Variants in MICU1 observed in about 807,000 individuals in gnomAD.
MICU1 encodes the protein mitochondrial calcium uptake 1.
Under a neutral mutation model 56.8 loss-of-function variants are expected in MICU1, and 45 were observed. The observed-to-expected ratio is 0.79, with a 90% CI of 0.62 to 1.02. The LOEUF (loss-of-function observed/expected upper bound fraction) is 1.02, where lower values mean the gene tolerates loss of function less well. Ranked by LOEUF, MICU1 falls within the 50% of genes least tolerant of loss-of-function variation. The pLI is 0.00. For missense variants in MICU1, 504 were observed against 587.1 expected (o/e 0.86, Z 1.46); for synonymous variants, 186 against 195.1 (o/e 0.95, Z 0.39).
intron 10 of MICU1, among the ~76,000 whole-genome samples, chr10:72,393,282 G>T (rs1291899840): frequency 6.6e-6 from 1 of 152,148 alleles, no homozygotes; most frequent in Non-Finnish European, 1.5e-5. Context: ...ATAAACCTGA[G>T]AAAATATCAG....
intron 5 of MICU1, among the ~76,000 whole-genome samples, chr10:72,516,893 G>T (rs935732283): frequency 2.6e-5 from 4 of 152,178 alleles, no homozygotes; most frequent in African/African-American, 9.6e-5. Context: ...TAGAGAGGGA[G>T]AGAAGTTACT....
rs1217658238 is a variant in MICU1, at chr10:72,525,154, T to TA, written c.537+8591dup. 2.2e-3 allele frequency among the ~76,000 whole-genome samples: 288 copies of TA among 132,414 alleles called. 2 individuals are homozygous for TA. The highest frequency in any genetic ancestry group is 6.0e-3 in the East Asian group (30 of 4,986). The allele number at this position is 132,414 out of a possible 152,430, so 86.9% of individuals were successfully genotyped here. ...AATAAAGTGATACCCACATTGGTAT[T>TA]AAAAAAAAAAAAGCAGTCATCCTGA... On this transcript the variant is annotated intron_variant, in intron 5 of 11. Transcript: ENST00000361114.
At chr10:72,615,072 C>G (rs1841943949) in intron 1 of MICU1, among the ~76,000 whole-genome samples, 2 of 149,750 alleles carry the variant, frequency 1.3e-5, no homozygotes, top group African/African-American at 5.0e-5. Flanking sequence ...GCGGATTTGT[C>G]TGATTGCTTC....
intron 3 of MICU1, among the ~76,000 whole-genome samples, chr10:72,556,568 A>T (rs1345153552): frequency 6.6e-6 from 1 of 151,880 alleles, no homozygotes; most frequent in African/African-American, 2.4e-5. Flanking sequence ...CAAACTCCTG[A>T]GCTCAGGTGA....
intron 8 of MICU1, among the ~76,000 whole-genome samples, chr10:72,446,822 G>T (rs1355259920): frequency 6.6e-6 from 1 of 152,104 alleles, no homozygotes; most frequent in East Asian, 1.9e-4. Context: ...GTAAATGTTG[G>T]CTGCTATTAA....
In MICU1 at chr10:72,368,004, T is replaced by C; in HGVS notation, c.*191A>G. The C allele has an allele frequency of 1.7e-6, 1 of 573,638 alleles. No individual in the cohort carries two copies. Among genetic ancestry groups the C allele is most frequent in the South Asian group, 2.5e-5 (1 of 39,306 alleles). The allele number at this position is 573,638 out of a possible 1,614,324, so 35.5% of individuals were successfully genotyped here. ...TTTGAGAACCTATGGGGATACTCAT[T>C]GGGCAGAATCAGAGCCCAGCAGAAC... On this transcript the variant is annotated 3_prime_UTR_variant, in exon 12 of 12. Coordinates refer to ENST00000361114, the MANE Select transcript of MICU1 (RefSeq NM_001195518.2).
At chr10:72,570,640 C>T (rs1380501925) in intron 1 of MICU1, among the ~76,000 whole-genome samples, 1 of 152,154 alleles carries the variant, frequency 6.6e-6, no homozygotes, top group Non-Finnish European at 1.5e-5. Flanking sequence ...TCCCTTCATC[C>T]AATCTAGGTC....
chr10:72,447,478 AGACT>A (rs1865141435), intron 8 of MICU1, among the ~76,000 whole-genome samples: 1 of 152,238 alleles, frequency 6.6e-6, no homozygotes, highest in Non-Finnish European at 1.5e-5. Flanking sequence ...CCATAATTAC[AGACT>A]GACTGTAAGT....
At chr10:72,566,928 A>G in intron 1 of MICU1, 134 bp from the exon 2 acceptor site, 1 of 702,802 alleles carries the variant, frequency 1.4e-6, no homozygotes, top group Non-Finnish European at 2.3e-6. Context: ...CAATTTGCTT[A>G]TATTATCCCA....
intron 8 of MICU1, among the ~76,000 whole-genome samples, chr10:72,444,432 G>C (rs1268708951): frequency 6.7e-6 from 1 of 149,258 alleles, no homozygotes; most frequent in African/African-American, 2.5e-5. Context: ...ACTTCTATGT[G>C]AGAGTCTTTG....
At position 72,543,927 on chromosome 10, in the gene MICU1, T is replaced by A. The variant is rs187872754; in HGVS notation, c.493+7252A>T. 7.9e-5 allele frequency among the ~76,000 whole-genome samples: 12 copies of A among 151,600 alleles called. No individual in the cohort carries two copies. The East Asian group carries it at 1.9e-3, about 25-fold the overall frequency. On this transcript the variant is annotated intron_variant, in intron 4 of 11. Transcript: ENST00000361114. Reference sequence around the variant, plus strand: ...CTTATGCTGACCACCCCTCATATTGTCTTATGCCTAATTTCTGCCTCCAAA... The same window carrying A: ...CTTATGCTGACCACCCCTCATATTGACTTATGCCTAATTTCTGCCTCCAAA...
chr10:72,525,087 G>A (rs1452197690), intron 5 of MICU1, among the ~76,000 whole-genome samples: 1 of 151,468 alleles, frequency 6.6e-6, no homozygotes, highest in Non-Finnish European at 1.5e-5. Flanking sequence ...AGTACATAAT[G>A]GCTCCTTAGA....
At chr10:72,475,433 A>ATT in intron 7 of MICU1, 136 bp from the exon 8 acceptor site, 6 of 766,204 alleles carry the variant, frequency 7.8e-6, no homozygotes, top group East Asian at 2.9e-5. Flanking sequence ...TGCTTACAAC[A>ATT]ATTTTTTTTT....
intron 8 of MICU1, among the ~76,000 whole-genome samples, chr10:72,458,685 G>T (rs966390235): frequency 1.4e-5 from 2 of 147,902 alleles, no homozygotes; most frequent in African/African-American, 2.5e-5. Flanking sequence ...GGTCACAGAA[G>T]AATTCAAATG....
chr10:72,456,933 A>T (rs926811265), intron 8 of MICU1, among the ~76,000 whole-genome samples: 48 of 93,110 alleles, frequency 5.2e-4, no homozygotes, highest in South Asian at 1.1e-3. Flanking sequence ...ACGAGATCTC[A>T]CTATATTGCC....
intron 1 of MICU1, among the ~76,000 whole-genome samples, chr10:72,586,007 T>TTTTTTG: frequency 8.0e-6 from 1 of 124,320 alleles, no homozygotes; most frequent in Non-Finnish European, 1.7e-5. Context: ...TTTTCTTTTT[T>TTTTTTG]TTTTTCTTTT....
chr10:72,577,252 G>C (rs912098336), intron 1 of MICU1, among the ~76,000 whole-genome samples: 1 of 152,118 alleles, frequency 6.6e-6, no homozygotes, highest in African/African-American at 2.4e-5. Context: ...GCTCATGTCT[G>C]TAATCCCAGC....
At chr10:72,508,025 T>C (rs2132347438) in intron 6 of MICU1, 130 bp downstream of exon 6, 1 of 484,376 alleles carries the variant, frequency 2.1e-6, no homozygotes, top group African/African-American at 2.0e-5. Flanking sequence ...CAAATGAAAT[T>C]TTATGTAACT....
At chr10:72,503,643 G>A (rs193036864) in intron 6 of MICU1, among the ~76,000 whole-genome samples, 1 of 151,994 alleles carries the variant, frequency 6.6e-6, no homozygotes, top group Admixed American at 6.6e-5. Context: ...AAAATAAAAG[G>A]CATCCAAATA....
Sources: gnomAD v4.1 joint callset for allele counts (sites outside exome capture counted in the v4.1 genomes callset) on GRCh38, gnomAD v4.1.1 for gene constraint, MANE v1.5 for transcripts, NCBI Gene and HGNC (gene_info 2026-07-23, HGNC 2026-07-21) for gene names.